SLC1A3: variants seen among roughly 807,000 people sequenced by gnomAD.
SLC1A3 encodes the protein solute carrier family 1 member 3, also known as excitatory amino acid transporter 1.
A neutral mutation model predicts 48.1 loss-of-function variants in SLC1A3; 21 were observed. The ratio of observed to expected loss-of-function variants is 0.44; its 90% CI spans 0.31 to 0.63. The LOEUF is 0.63. Among genes scored for constraint, SLC1A3 ranks in the 20% least tolerant of loss-of-function variants. The pLI is 0.08. For missense variants in SLC1A3, 546 were observed against 689.0 expected, an observed-to-expected ratio of 0.79 and a Z score of 2.32; for synonymous variants, 239 against 251.4, an observed-to-expected ratio of 0.95 and a Z score of 0.47.
chr5:36,670,457 T>C (rs1205904755), intron 3 of SLC1A3, among the ~76,000 whole-genome samples: 1 of 152,206 alleles, frequency 6.6e-6, no homozygotes, highest in Non-Finnish European at 1.5e-5. Context: ...AAATTGAAGA[T>C]AGATCACCAG....
At chr5:36,649,960 C>T (rs553371398) in intron 3 of SLC1A3, among the ~76,000 whole-genome samples, 11 of 152,296 alleles carry the variant, frequency 7.2e-5, no homozygotes, top group East Asian at 3.9e-4. Context: ...AATTATAATA[C>T]GTTCCATCAT....
At chr5:36,668,823 G>T (rs1339577362) in intron 3 of SLC1A3, 1 of 152,156 alleles carries the variant, frequency 6.6e-6, no homozygotes, top group East Asian at 1.9e-4. Flanking sequence ...CTGTAGCCGT[G>T]GGTATTGGGA....
chr5:36,614,987 A>G (rs894455083), intron 2 of SLC1A3, among the ~76,000 whole-genome samples: 3 of 152,202 alleles, frequency 2.0e-5, no homozygotes, highest in Admixed American at 2.0e-4. Flanking sequence ...CAAGTAGGTA[A>G]TCAAATAAGC....
Position 36,680,438 on chromosome 5 carries a change from A to T in SLC1A3, c.1138A>T (p.Asn380Tyr), listed in dbSNP as rs1742391376. 6.2e-7 allele frequency: 1 copy of T among 1,614,108 alleles called. No individual in the cohort carries two copies. The change falls in exon 8 of 10, where the codon AAT (asparagine) becomes TAT (tyrosine). Residue 380 changes from asparagine to tyrosine, a missense_variant. By Grantham distance (143) the Asn-to-Tyr change is moderately radical. Around this residue, in one of 3 missense-constraint regions of SLC1A3, gnomAD observed 142 missense variants for 238.0 expected, o/e 0.60. Coordinates refer to ENST00000265113, the MANE Select transcript of SLC1A3 (RefSeq NM_004172.5). ...CACCTTCAAGTGCCTGGAAGAGAAC[A>T]ATGGCGTGGACAAGCGCGTCACCAG... ...PITFKCLEEN[N>Y]GVDKRVTRFV...
intron 3 of SLC1A3, among the ~76,000 whole-genome samples, chr5:36,637,301 C>T (rs577279051): frequency 3.7e-4 from 56 of 152,294 alleles, no homozygotes; most frequent in African/African-American, 1.3e-3. Flanking sequence ...TCAACTAAAT[C>T]CTGCAGAACT....
At chr5:36,651,987 G>A (rs1310471897) in intron 3 of SLC1A3, among the ~76,000 whole-genome samples, 5 of 152,070 alleles carry the variant, frequency 3.3e-5, no homozygotes, top group Admixed American at 2.6e-4. Context: ...AACCAACACC[G>A]GACTCTTGAC....
At chr5:36,639,089 C>T (rs867361089) in intron 3 of SLC1A3, among the ~76,000 whole-genome samples, 64 of 152,308 alleles carry the variant, frequency 4.2e-4, no homozygotes, top group African/African-American at 1.5e-3. Context: ...CAGTGCTAGA[C>T]CTGTTGCTGG....
intron 1 of SLC1A3, among the ~76,000 whole-genome samples, chr5:36,607,530 A>G: frequency 6.6e-6 from 1 of 152,226 alleles, no homozygotes; most frequent in Non-Finnish European, 1.5e-5. Context: ...TCTGTTCTAG[A>G]AATCCTAAAT....
Position 36,688,175 on chromosome 5 carries a change from T to C in SLC1A3, c.*1906T>C, listed in dbSNP as rs1561290879. On this transcript the variant is annotated 3_prime_UTR_variant, in exon 10 of 10. Transcript: ENST00000265113. ...ACTTAATTCTGTTACACAATATGTG[T>C]TTTTTAATATACTAACCATTTCTTA... 1.3e-5 allele frequency: 2 copies of C among 152,160 alleles called. No homozygotes were observed. Among genetic ancestry groups the C allele is most frequent in the Admixed American group, 6.5e-5 (1 of 15,284 alleles). The allele number at this position is 152,160 out of a possible 1,614,324, so 9.4% of individuals were successfully genotyped here.
chr5:36,646,997 TA>T lies in SLC1A3; in HGVS notation c.319+17413del, dbSNP rs1312337361. ...CCACATTAACTGTGCTTCTGGGGTA[TA>T]AAGGTCAGGGATAGAACTGGTCCTG... On this transcript the variant is annotated intron_variant, in intron 3 of 9. Transcript: ENST00000265113. Among the ~76,000 whole-genome samples the T allele has an allele frequency of 2.0e-5, 3 of 152,300 alleles. No homozygotes were observed. The East Asian group carries it at 5.8e-4, about 29-fold the overall frequency.
rs1742662160 is a variant in SLC1A3, at chr5:36,686,687, A to T, written c.*418A>T. The T allele has an allele frequency of 3.7e-6, 1 of 268,636 alleles. No homozygotes were observed. The highest frequency in any genetic ancestry group is 3.8e-5 in the South Asian group (1 of 26,618). The allele number at this position is 268,636 out of a possible 1,614,324, so 16.6% of individuals were successfully genotyped here. A position where few individuals can be genotyped will look rare whatever the true frequency, so the allele number is the denominator to read the frequency against. On this transcript the variant is annotated 3_prime_UTR_variant, in exon 10 of 10. Coordinates refer to ENST00000265113, the MANE Select transcript of SLC1A3 (RefSeq NM_004172.5). ...ATTCAGTTTTAGTTTCAAAATGTTA[A>T]CAACTTGAATTACAACCGGTTATCA...
At chr5:36,664,157 A>C (rs1183129622) in intron 3 of SLC1A3, among the ~76,000 whole-genome samples, 1 of 152,128 alleles carries the variant, frequency 6.6e-6, no homozygotes, top group Non-Finnish European at 1.5e-5. Context: ...TTTTAGACAG[A>C]GTTTCGCTCT....
Position 36,683,995 on chromosome 5 carries a change from T to C in SLC1A3, c.1421T>C (p.Phe474Ser), listed in dbSNP as rs1205623410. The C allele has an allele frequency of 6.2e-7, 1 of 1,614,066 alleles. No homozygotes were observed. Among genetic ancestry groups the C allele is most frequent in the Non-Finnish European group, 8.5e-7 (1 of 1,180,032 alleles). The change falls in exon 9 of 10, where the codon TTC (phenylalanine) becomes TCC (serine). Residue 474 changes from phenylalanine to serine, a missense_variant. Physicochemically the swap from Phe to Ser is radical, Grantham distance 155 (BLOSUM62 -2). Around this residue, in one of 3 missense-constraint regions of SLC1A3, gnomAD observed 142 missense variants for 238.0 expected, o/e 0.60. Transcript: ENST00000265113. ...ACGCTCATCATCGCGGTGGACTGGT[T>C]CCTGTGAGTATGCTTGGCCTGCATT... ...DITLIIAVDW[F>S]LDRLRTTTNV...
intron 3 of SLC1A3, among the ~76,000 whole-genome samples, chr5:36,657,528 C>G (rs958266795): frequency 6.6e-6 from 1 of 152,216 alleles, no homozygotes; most frequent in Non-Finnish European, 1.5e-5. Context: ...CTGTTCCATA[C>G]TTTAATCAAC....
chr5:36,674,858 A>C (rs1443745166), intron 5 of SLC1A3, among the ~76,000 whole-genome samples: 1 of 152,196 alleles, frequency 6.6e-6, no homozygotes, highest in Non-Finnish European at 1.5e-5. Flanking sequence ...GGCTATACTG[A>C]GGTCCAGCTC....
At chr5:36,608,149 T>C (rs763070620) in intron 1 of SLC1A3, 180 bp from the exon 2 acceptor site, 2 of 402,922 alleles carry the variant, frequency 5.0e-6, no homozygotes, top group South Asian at 9.3e-5. Context: ...TTTATGCACA[T>C]TTCTCACACG....
Position 36,636,905 on chromosome 5 carries a change from C to T in SLC1A3, c.319+7318C>T, listed in dbSNP as rs1389622515. On this transcript the variant is annotated intron_variant, in intron 3 of 9. Coordinates refer to ENST00000265113, the MANE Select transcript of SLC1A3 (RefSeq NM_004172.5). ...CCCCTGGAAAGTGGCCATGGAGCTC[C>T]CCTAAATGGTCCATTCTTAGGTGGT... is the stretch of plus-strand genomic sequence containing the variant. Among the ~76,000 whole-genome samples, 4 of 152,072 alleles carry T rather than the reference C, an allele frequency of 2.6e-5. No individual in the cohort carries two copies. The East Asian group carries it at 7.7e-4, about 29-fold the overall frequency.
chr5:36,664,024 C>G (rs1035474872), intron 3 of SLC1A3, among the ~76,000 whole-genome samples: 1 of 152,182 alleles, frequency 6.6e-6, no homozygotes, highest in Non-Finnish European at 1.5e-5. Context: ...TCTGTGGTCT[C>G]CACTAGTGAG....
At position 36,684,102 on chromosome 5, in the gene SLC1A3, G is replaced by C. The variant is rs553862930; in HGVS notation, c.1424+104G>C. ...ACATCTACAGAAAGAACTCTGAGGA[G>C]AGGGGCCTCTCGGCCCATAGTTAAA... is the stretch of plus-strand genomic sequence containing the variant. On this transcript the variant is annotated intron_variant, in intron 9 of 9. Coordinates refer to ENST00000265113, the MANE Select transcript of SLC1A3 (RefSeq NM_004172.5). 355 of 1,417,520 alleles carry C rather than the reference G, an allele frequency of 2.5e-4. 2 individuals are homozygous for C. In the African/African-American group the frequency reaches 4.6e-3, roughly 18 times the overall value. The allele number at this position is 1,417,520 out of a possible 1,614,324, so 87.8% of individuals were successfully genotyped here.
Sources: allele counts gnomAD v4.1 joint callset (sites outside exome capture counted in the v4.1 genomes callset), GRCh38; gene constraint gnomAD v4.1.1; regional missense constraint gnomAD v4.1.1; transcripts MANE v1.5; gene names NCBI Gene and HGNC (gene_info 2026-07-23, HGNC 2026-07-21).